RALA: variants seen among roughly 807,000 people sequenced by gnomAD.
RALA encodes RAS like proto-oncogene A.
A neutral mutation model predicts 24.0 loss-of-function variants in RALA; 5 were observed. The observed-to-expected ratio is 0.21, with a 90% CI of 0.11 to 0.44. RALA has a LOEUF of 0.44. RALA is among the 20% of genes least tolerant of loss of function. The pLI is 0.99. For synonymous variants in RALA, 77 were observed against 83.8 expected (o/e 0.92, Z 0.44); for missense variants, 95 against 241.2 (o/e 0.39, Z 4.01).
chr7:39,690,720 T>C (rs1792801101), intron 3 of RALA, 130 bp downstream of exon 3: 1 of 702,828 alleles, frequency 1.4e-6, no homozygotes, highest in African/African-American at 1.8e-5. Context: ...TATTCCCTTT[T>C]TGATATCAGT....
At chr7:39,687,486 G>A (rs1228486295) in intron 2 of RALA, among the ~76,000 whole-genome samples, 4 of 152,004 alleles carry the variant, frequency 2.6e-5, no homozygotes, top group African/African-American at 9.7e-5. Context: ...TGTGTGTTTG[G>A]CATGGCACTA....
intron 1 of RALA, among the ~76,000 whole-genome samples, chr7:39,648,027 A>T (rs1038961087): frequency 9.2e-5 from 14 of 152,208 alleles, no homozygotes; most frequent in African/African-American, 4.8e-5. Context: ...CTGGTATGCC[A>T]CTTCTATATG....
chr7:39,635,479 A>G (rs148386659), intron 1 of RALA, among the ~76,000 whole-genome samples: 1,555 of 152,268 alleles, frequency 0.01, 17 homozygotes, highest in Non-Finnish European at 0.016. Flanking sequence ...AAAGAAAGCC[A>G]TACTCATTAG....
At chr7:39,682,727 C>G (rs2116055858) in intron 1 of RALA, among the ~76,000 whole-genome samples, 1 of 152,322 alleles carries the variant, frequency 6.6e-6, no homozygotes, top group South Asian at 2.1e-4. Context: ...ACTGCAACCT[C>G]CGCCTCCTGA....
At chr7:39,642,215 T>C (rs1791830205) in intron 1 of RALA, among the ~76,000 whole-genome samples, 1 of 152,182 alleles carries the variant, frequency 6.6e-6, no homozygotes, top group Non-Finnish European at 1.5e-5. Context: ...GCACAGTGGC[T>C]TAGAGCTCTG....
intron 1 of RALA, among the ~76,000 whole-genome samples, chr7:39,651,121 A>G (rs1470398433): frequency 2.0e-5 from 3 of 152,212 alleles, no homozygotes; most frequent in African/African-American, 7.2e-5. Context: ...TCAACCCAGT[A>G]TTCAATAAAT....
chr7:39,649,854 A>C (rs1021713312), intron 1 of RALA, among the ~76,000 whole-genome samples: 3 of 152,202 alleles, frequency 2.0e-5, no homozygotes, highest in African/African-American at 7.2e-5. Flanking sequence ...AAACCAAATA[A>C]AGAAAATGTT....
chr7:39,629,151 C>G (rs1260160957), intron 1 of RALA, among the ~76,000 whole-genome samples: 1 of 152,146 alleles, frequency 6.6e-6, no homozygotes, highest in African/African-American at 2.4e-5. Context: ...TTGTTAGGTA[C>G]TGTCAAACTC....
chr7:39,665,476 G>A (rs923849076), intron 1 of RALA, among the ~76,000 whole-genome samples: 7 of 152,010 alleles, frequency 4.6e-5, no homozygotes, highest in African/African-American at 1.5e-4. Flanking sequence ...TTGGATTTTC[G>A]ACTGCACACA....
chr7:39,677,019 G>T (rs573980692), intron 1 of RALA, among the ~76,000 whole-genome samples: 1 of 152,294 alleles, frequency 6.6e-6, no homozygotes, highest in Non-Finnish European at 1.5e-5. Context: ...GGATCATCTG[G>T]TTGGGCCAAA....
intron 3 of RALA, among the ~76,000 whole-genome samples, chr7:39,695,877 T>C (rs1792910479): frequency 6.6e-6 from 1 of 152,234 alleles, no homozygotes; most frequent in Non-Finnish European, 1.5e-5. Flanking sequence ...CCTTTTGTTT[T>C]TTGATTTTAC....
At chr7:39,646,395 G>T (rs1164534668) in intron 1 of RALA, among the ~76,000 whole-genome samples, 1 of 152,180 alleles carries the variant, frequency 6.6e-6, no homozygotes, top group African/African-American at 2.4e-5. Flanking sequence ...AGCACTTTGG[G>T]AGTCTAAGGT....
At chr7:39,657,914 G>C (rs534321699) in intron 1 of RALA, among the ~76,000 whole-genome samples, 1 of 152,170 alleles carries the variant, frequency 6.6e-6, no homozygotes, top group Non-Finnish European at 1.5e-5. Context: ...TGGGCCTGAT[G>C]CCCAGCCTGT....
chr7:39,675,766 A>T (rs572270007), intron 1 of RALA, among the ~76,000 whole-genome samples: 1 of 150,702 alleles, frequency 6.6e-6, no homozygotes, highest in Non-Finnish European at 1.5e-5. Flanking sequence ...AAAAAACTGT[A>T]TATCTCCTTT....
chr7:39,649,568 G>A (rs376301057), intron 1 of RALA, among the ~76,000 whole-genome samples: 3 of 152,276 alleles, frequency 2.0e-5, no homozygotes, highest in African/African-American at 7.2e-5. Flanking sequence ...CCCGCTGGAG[G>A]ATGCAGCAAC....
chr7:39,704,892 T>C (rs1436761880), intron 4 of RALA, among the ~76,000 whole-genome samples: 3 of 152,120 alleles, frequency 2.0e-5, no homozygotes, highest in South Asian at 2.1e-4. Context: ...GCCAGGGTAG[T>C]CTAGAACTCC....
chr7:39,660,495 T>C (rs964364486), intron 1 of RALA, among the ~76,000 whole-genome samples: 8 of 152,270 alleles, frequency 5.3e-5, no homozygotes, highest in South Asian at 2.1e-4. Flanking sequence ...TTCTTTTCTG[T>C]CTCTCTTTTT....
chr7:39,659,834 A>G (rs1562614446), intron 1 of RALA, among the ~76,000 whole-genome samples: 1 of 152,188 alleles, frequency 6.6e-6, no homozygotes, highest in Non-Finnish European at 1.5e-5. Context: ...CATTCCTTAA[A>G]AATGAGTTGC....
At chr7:39,657,043 C>G (rs1043268429) in intron 1 of RALA, among the ~76,000 whole-genome samples, 5 of 151,862 alleles carry the variant, frequency 3.3e-5, no homozygotes, top group African/African-American at 1.2e-4. Context: ...TCTCGGCTCA[C>G]TACAACCTCC....
Sources: allele counts gnomAD v4.1 joint callset (sites outside exome capture counted in the v4.1 genomes callset), GRCh38; gene constraint gnomAD v4.1.1; transcripts MANE v1.5; gene names NCBI Gene and HGNC (gene_info 2026-07-23, HGNC 2026-07-21).